Variants in STEAP4 observed in about 807,000 individuals in gnomAD.
STEAP4 encodes the protein STEAP4 metalloreductase.
A neutral mutation model predicts 43.6 loss-of-function variants in STEAP4; 36 were observed. The observed-to-expected ratio is 0.83, with a 90% CI of 0.63 to 1.09. The LOEUF (loss-of-function observed/expected upper bound fraction) is 1.09, where lower values mean the gene tolerates loss of function less well. Among genes scored for constraint, STEAP4 ranks in the 50% least tolerant of loss-of-function variants. The pLI, the probability that STEAP4 is intolerant of heterozygous loss-of-function variation, is 0.00. For synonymous variants in STEAP4, 191 were observed against 196.7 expected (o/e 0.97, Z 0.24); for missense variants, 495 against 546.5 (o/e 0.91, Z 0.94).
chr7:88,273,467 C>T lies in STEAP4; in HGVS notation c.*5931G>A, dbSNP rs1266145420. On this transcript the variant is annotated 3_prime_UTR_variant, in exon 5 of 5. Coordinates refer to ENST00000380079, the MANE Select transcript of STEAP4 (RefSeq NM_024636.4). ...TTTCACAAAACTGAGAAAAAAATCT[C>T]ATTTTTACAGCTATAGGTAATGGAA... The T allele has an allele frequency of 2.0e-5, 3 of 151,936 alleles. No homozygotes were observed. Among genetic ancestry groups the T allele is most frequent in the African/African-American group, 7.3e-5 (3 of 41,362 alleles). 9.4% of individuals were successfully genotyped at this position (151,936 alleles called of 1,614,324 possible). A position where few individuals can be genotyped will look rare whatever the true frequency, so the allele number is the denominator to read the frequency against.
chr7:88,280,853 T>C (rs975898307), intron 4 of STEAP4, 62 bp downstream of exon 4: 4 of 1,423,406 alleles, frequency 2.8e-6, no homozygotes, highest in African/African-American at 1.5e-5. Flanking sequence ...AATTTTTAAA[T>C]ATGATTGCTA....
In STEAP4 at chr7:88,299,825, A is replaced by G. The variant is rs542444442; in HGVS notation, c.-3+6967T>C. The stretch of plus-strand genomic sequence containing the variant: ...GAAAGCAGTTTTGTTGTGGATCTTG[A>G]CCCCACCCCCATTCCTTGCTGTTGG... On this transcript the variant is annotated intron_variant, in intron 1 of 4. Coordinates refer to ENST00000380079, the MANE Select transcript of STEAP4 (RefSeq NM_024636.4). Among the ~76,000 whole-genome samples the G allele has an allele frequency of 8.5e-5, 13 of 152,262 alleles. No homozygotes were observed. In the East Asian group the frequency reaches 2.1e-3, roughly 25 times the overall value.
At chr7:88,286,562 C>T (rs1417022126) in intron 1 of STEAP4, among the ~76,000 whole-genome samples, 1 of 152,072 alleles carries the variant, frequency 6.6e-6, no homozygotes, top group Admixed American at 6.6e-5. Context: ...AATGATAACT[C>T]AGGGCTGGGC....
chr7:88,279,084 G>T lies in STEAP4; in HGVS notation c.*314C>A. Reference sequence around the variant, plus strand: ...TGGATTTTGCAAGACATTAGGTCATGCATGTTGCCCATAACAAGGAAACTC... The same window carrying T: ...TGGATTTTGCAAGACATTAGGTCATTCATGTTGCCCATAACAAGGAAACTC... On this transcript the variant is annotated 3_prime_UTR_variant, in exon 5 of 5. Coordinates refer to ENST00000380079, the MANE Select transcript of STEAP4 (RefSeq NM_024636.4). The T allele has an allele frequency of 2.9e-6, 1 of 344,888 alleles. No individual in the cohort carries two copies. The allele number at this position is 344,888 out of a possible 1,614,324, so 21.4% of individuals were successfully genotyped here.
intron 1 of STEAP4, among the ~76,000 whole-genome samples, chr7:88,296,080 C>G (rs546798323): frequency 2.6e-4 from 39 of 152,216 alleles, no homozygotes; most frequent in Non-Finnish European, 5.3e-4. Context: ...CCATAACTCT[C>G]TCAAGGAAAC....
At chr7:88,282,511 T>C (rs1852637585) in intron 3 of STEAP4, 130 bp downstream of exon 3, 1 of 910,194 alleles carries the variant, frequency 1.1e-6, no homozygotes, top group African/African-American at 1.7e-5. Flanking sequence ...TGACATGACA[T>C]TTCTAATTCT....
chr7:88,293,965 A>G (rs189293030), intron 1 of STEAP4, among the ~76,000 whole-genome samples: 2 of 152,262 alleles, frequency 1.3e-5, no homozygotes, highest in East Asian at 3.9e-4. Flanking sequence ...CATAAATTTT[A>G]AAAAATGTAC....
chr7:88,288,591 G>A (rs1852779889), intron 1 of STEAP4, among the ~76,000 whole-genome samples: 1 of 152,126 alleles, frequency 6.6e-6, no homozygotes, highest in Non-Finnish European at 1.5e-5. Flanking sequence ...CAAATAGTTG[G>A]ACAAATGTGA....
intron 3 of STEAP4, chr7:88,282,139 T>C (rs1852630421): frequency 6.5e-6 from 1 of 153,512 alleles, no homozygotes; most frequent in African/African-American, 2.4e-5. Flanking sequence ...GTATCATTTT[T>C]TTTCTTTCTT....
chr7:88,271,721 A>AT lies in STEAP4; in HGVS notation c.*7676dup, dbSNP rs1347255734. ...CTCCTGGATCAAAACTTAACTCTGC[A>AT]TTTTTTAATTTTGAAAGATATTCCC... On this transcript the variant is annotated 3_prime_UTR_variant, in exon 5 of 5. Coordinates refer to ENST00000380079, the MANE Select transcript of STEAP4 (RefSeq NM_024636.4). 1.3e-5 allele frequency: 2 copies of AT among 152,198 alleles called. No individual in the cohort carries two copies. The highest frequency in any genetic ancestry group is 4.8e-5 in the African/African-American group (2 of 41,458). 9.4% of individuals were successfully genotyped at this position (152,198 alleles called of 1,614,324 possible).
chr7:88,284,413 G>A (rs1173407319), intron 1 of STEAP4, 142 bp from the exon 2 acceptor site: 2 of 667,786 alleles, frequency 3.0e-6, no homozygotes, highest in Admixed American at 3.5e-5. Flanking sequence ...AATTTGGAAG[G>A]AGTAAAAATT....
In STEAP4 at chr7:88,283,924, A is replaced by C; in HGVS notation, c.346T>G (p.Ser116Ala). 6.2e-7 allele frequency: 1 copy of C among 1,614,106 alleles called. No individual in the cohort carries two copies. The highest frequency in any genetic ancestry group is 1.3e-5 in the African/African-American group (1 of 75,012). Residue 116 changes from serine (S) to alanine (A), a missense_variant, in exon 2 of 5, where the codon TCT becomes GCT. By Grantham distance (99) the Ser-to-Ala change is moderately conservative (BLOSUM62 1). Coordinates refer to ENST00000380079, the MANE Select transcript of STEAP4 (RefSeq NM_024636.4). ...NNLKINQYPE[S>A]NAEYLAHLVP... Reference sequence around the variant, plus strand: ...AAATGAGCAAGGTACTCTGCATTAGATTCTGGATATTGATTGATTTTGAGG... The same window carrying C: ...AAATGAGCAAGGTACTCTGCATTAGCTTCTGGATATTGATTGATTTTGAGG...
At chr7:88,301,132 C>A (rs1356000765) in intron 1 of STEAP4, among the ~76,000 whole-genome samples, 1 of 152,216 alleles carries the variant, frequency 6.6e-6, no homozygotes, top group African/African-American at 2.4e-5. Flanking sequence ...CCAGAGGCAA[C>A]TGGCACACTT....
rs1206316183 is a variant in STEAP4, at chr7:88,279,572, A to C, written c.1206T>G (p.Gly402=). The C allele has an allele frequency of 6.2e-7, 1 of 1,613,816 alleles. No individual in the cohort carries two copies. The highest frequency in any genetic ancestry group is 8.5e-7 in the Non-Finnish European group (1 of 1,179,920). ...TTGAAGGGCTGAGGAATCTCTTCCC[A>C]CCGTACACCAGGGTGTGGGCTGTAC... is the stretch of plus-strand genomic sequence containing the variant. ...ILCTAHTLVY[G]GKRFLSPSNL... The change falls in exon 5 of 5, where the codon GGT becomes GGG. Residue 402 remains glycine, a synonymous_variant. Coordinates refer to ENST00000380079, the MANE Select transcript of STEAP4 (RefSeq NM_024636.4).
intron 1 of STEAP4, among the ~76,000 whole-genome samples, chr7:88,291,929 T>C (rs143281125): frequency 3.6e-4 from 55 of 152,274 alleles, no homozygotes; most frequent in Middle Eastern, 3.4e-3. Context: ...TTGCCTCTTA[T>C]GGAATCATTT....
At position 88,271,953 on chromosome 7, in the gene STEAP4, C is replaced by T. The variant is rs896036591; in HGVS notation, c.*7445G>A. 6.6e-6 allele frequency: 1 copy of T among 152,164 alleles called. No homozygotes were observed. The highest frequency in any genetic ancestry group is 2.4e-5 in the African/African-American group (1 of 41,442). The allele number at this position is 152,164 out of a possible 1,614,324, so 9.4% of individuals were successfully genotyped here. A position where few individuals can be genotyped will look rare whatever the true frequency, so the allele number is the denominator to read the frequency against. The stretch of plus-strand genomic sequence containing the variant: ...GAATATATTTTCATATGTTGCAGAG[C>T]CTTGTTTCTCCTGTGAACTTTGTTC... On this transcript the variant is annotated 3_prime_UTR_variant, in exon 5 of 5. Transcript: ENST00000380079.
intron 1 of STEAP4, among the ~76,000 whole-genome samples, chr7:88,297,112 C>T (rs1486937002): frequency 6.6e-6 from 1 of 152,182 alleles, no homozygotes; most frequent in East Asian, 1.9e-4. Context: ...TACACATTAA[C>T]ACCTTCCTTC....
In STEAP4 at chr7:88,283,017, G is replaced by A. The variant is rs1458022298; in HGVS notation, c.608C>T (p.Pro203Leu). The A allele has an allele frequency of 1.2e-6, 2 of 1,613,734 alleles. No individual in the cohort carries two copies. The highest frequency in any genetic ancestry group is 8.5e-7 in the Non-Finnish European group (1 of 1,179,858). The stretch of plus-strand genomic sequence containing the variant: ...ACACAGCACAGCAGACAAATAGAAG[G>A]GGAACCTCCACATTGGAAATAGCTG... ...PLQLFPMWRFPFYLSAVLCVF... is the reference protein window; with the variant it reads ...PLQLFPMWRFLFYLSAVLCVF... Residue 203 changes from proline to leucine, a missense_variant, in exon 3 of 5, where the codon CCC (proline) becomes CTC (leucine). Physicochemically the swap from Pro to Leu is moderately conservative, Grantham distance 98 (BLOSUM62 -3). Coordinates refer to ENST00000380079, the MANE Select transcript of STEAP4 (RefSeq NM_024636.4).
chr7:88,279,757 C>A, intron 4 of STEAP4, 129 bp from the exon 5 acceptor site: 2 of 730,776 alleles, frequency 2.7e-6, no homozygotes, highest in Admixed American at 2.9e-5. Flanking sequence ...GGACACTTTG[C>A]CAAGTACTGA....
Sources: gnomAD v4.1 joint callset for allele counts (sites outside exome capture counted in the v4.1 genomes callset) on GRCh38, gnomAD v4.1.1 for gene constraint, MANE v1.5 for transcripts, NCBI Gene and HGNC (gene_info 2026-07-23, HGNC 2026-07-21) for gene names.